Variants in HAPLN2 observed in about 807,000 individuals in gnomAD.
HAPLN2 encodes the protein brain link protein-1.
In HAPLN2, 27 loss-of-function variants were observed where a neutral mutation model predicts 29.3. That is an observed-to-expected ratio of 0.92 (90% confidence interval 0.68 to 1.27). The LOEUF is 1.27. HAPLN2 is among the 50% of genes most tolerant of loss of function. The pLI, the probability that HAPLN2 is intolerant of heterozygous loss-of-function variation, is 0.00. For synonymous variants in HAPLN2, 208 were observed against 211.7 expected (o/e 0.98, Z 0.15); for missense variants, 454 against 484.3 (o/e 0.94, Z 0.59).
the HAPLN2 span, among the ~76,000 whole-genome samples, chr1:156,602,784 A>G: frequency 6.6e-6 from 1 of 152,020 alleles, no homozygotes; most frequent in South Asian, 2.1e-4. Flanking sequence ...AAGATACAGC[A>G]AAAGGGACTG....
At chr1:156,621,861 A>G (rs184384745) in intron 2 of HAPLN2, among the ~76,000 whole-genome samples, 81 of 151,722 alleles carry the variant, frequency 5.3e-4, no homozygotes, top group African/African-American at 1.7e-3. Flanking sequence ...CCTGTATCTG[A>G]TTAAAAAATT....
rs949449674 is a variant in HAPLN2, at chr1:156,625,689, CCT to C, written c.*308_*309del. On this transcript the variant is annotated 3_prime_UTR_variant, in exon 7 of 7. Transcript: ENST00000255039. The surrounding 1 kb of genome is among the most constrained non-coding windows in gnomAD (Gnocchi z 5.7). ...TGAGGCGGCCGGGGGCATTAACTGA[CCT>C]CTGAGTACAGCAATAAAATAACCTG... 13 of 361,022 alleles carry C rather than the reference CCT, an allele frequency of 3.6e-5. No homozygotes were observed. The highest frequency in any genetic ancestry group is 2.8e-4 in the African/African-American group (13 of 46,720). 22.4% of individuals were successfully genotyped at this position (361,022 alleles called of 1,614,324 possible). A position where few individuals can be genotyped will look rare whatever the true frequency, so the allele number is the denominator to read the frequency against.
At position 156,625,295 on chromosome 1, in the gene HAPLN2, G is replaced by C. The variant is rs775376500; in HGVS notation, c.934G>C (p.Gly312Arg). The C allele has an allele frequency of 7.0e-6, 11 of 1,580,268 alleles. No individual in the cohort carries two copies. Among genetic ancestry groups the C allele is most frequent in the South Asian group, 1.2e-5 (1 of 86,340 alleles). The part of the protein sequence containing the change: ...FPITTPRPRC[G>R]GLPDPGVRSF... Reference sequence around the variant, plus strand: ...AATCACCACGCCGAGGCCGCGCTGCGGGGGGCTCCCGGATCCCGGAGTGCG... The same window carrying C: ...AATCACCACGCCGAGGCCGCGCTGCCGGGGGCTCCCGGATCCCGGAGTGCG... Residue 312 changes from glycine to arginine, a missense_variant, in exon 7 of 7, where the codon GGG (glycine) becomes CGG (arginine). This residue lies in a region of HAPLN2 where 235 missense variants were observed against 236.9 expected (regional missense o/e 0.99). Coordinates refer to ENST00000255039, the MANE Select transcript of HAPLN2 (RefSeq NM_021817.3). This position sits in a 1 kb window ranked among gnomAD's most constrained non-coding sequence, Gnocchi z 5.7.
Position 156,624,341 on chromosome 1 carries a change from C to T in HAPLN2, c.440-10C>T, listed in dbSNP as rs1157896058. 8.8e-6 allele frequency: 14 copies of T among 1,593,914 alleles called. No individual in the cohort carries two copies. The Admixed American group carries it at 1.9e-4, about 22-fold the overall frequency. ...CGCTGGCCCTCCCCAGGATCCCCGC[C>T]ACCCCCTAGGTGTGGTGTTTCCGTA... On this transcript the variant is annotated splice_polypyrimidine_tract_variant and intron_variant, in intron 4 of 6. Transcript: ENST00000255039.
the HAPLN2 span, among the ~76,000 whole-genome samples, chr1:156,611,406 A>C: frequency 2.0e-5 from 3 of 152,090 alleles, no homozygotes; most frequent in Non-Finnish European, 2.9e-5. Context: ...CTCTACTAAA[A>C]ATACAAAAAA....
intron 2 of HAPLN2, among the ~76,000 whole-genome samples, chr1:156,623,095 G>C (rs999905412): frequency 7.2e-6 from 1 of 138,980 alleles, no homozygotes; most frequent in Non-Finnish European, 1.6e-5. Context: ...AAAAGCAGGA[G>C]AGTGATAAGA....
chr1:156,625,013 G>T lies in HAPLN2; in HGVS notation c.740-88G>T. On this transcript the variant is annotated intron_variant, in intron 6 of 6. Transcript: ENST00000255039. The surrounding 1 kb of genome is among the most constrained non-coding windows in gnomAD (Gnocchi z 5.7). ...CCCAAGCTCGATCCAGCACCTCTGC[G>T]GTCCCGCACCCCAACTCCGCCTCCT... is the stretch of plus-strand genomic sequence containing the variant. The T allele has an allele frequency of 6.9e-7, 1 of 1,450,706 alleles. No individual in the cohort carries two copies. The highest frequency in any genetic ancestry group is 9.2e-7 in the Non-Finnish European group (1 of 1,089,370). 89.9% of individuals were successfully genotyped at this position (1,450,706 alleles called of 1,614,324 possible). A position where few individuals can be genotyped will look rare whatever the true frequency, so the allele number is the denominator to read the frequency against.
chr1:156,604,874 T>C, the HAPLN2 span, among the ~76,000 whole-genome samples: 1 of 151,224 alleles, frequency 6.6e-6, no homozygotes, highest in African/African-American at 2.4e-5. Context: ...ACTCTCCAAA[T>C]TGATCTATAA....
the HAPLN2 span, among the ~76,000 whole-genome samples, chr1:156,606,546 G>C: frequency 6.7e-6 from 1 of 150,340 alleles, no homozygotes; most frequent in Non-Finnish European, 1.5e-5. Flanking sequence ...GCAGTGGCGT[G>C]ATCATGGCTC....
rs1316524969 is a variant in HAPLN2 at position 156,624,633 on chromosome 1, G to A, written c.589G>A (p.Gly197Ser). ...WTEGLDWCNA[G>S]WLLEGSVRYP... ...CGAGGGTCTGGACTGGTGTAACGCG[G>A]GCTGGCTGCTCGAGGGCTCCGTGCG... Residue 197 changes from glycine to serine, a missense_variant, in exon 6 of 7, where the codon GGC becomes AGC. Physicochemically the swap from Gly to Ser is moderately conservative, Grantham distance 56 (BLOSUM62 0). This residue lies in a region of HAPLN2 where 235 missense variants were observed against 236.9 expected (regional missense o/e 0.99). Coordinates refer to ENST00000255039, the MANE Select transcript of HAPLN2 (RefSeq NM_021817.3). 1.2e-6 allele frequency: 2 copies of A among 1,612,652 alleles called. No homozygotes were observed. Among genetic ancestry groups the A allele is most frequent in the Non-Finnish European group, 1.7e-6 (2 of 1,179,642 alleles).
rs983213132 is a variant in HAPLN2 at position 156,624,903 on chromosome 1, C to G, written c.739+120C>G. 9.2e-6 allele frequency: 11 copies of G among 1,194,362 alleles called. No individual in the cohort carries two copies. The African/African-American group carries it at 9.3e-5, about 10-fold the overall frequency. 74.0% of individuals were successfully genotyped at this position (1,194,362 alleles called of 1,614,324 possible). ...CGGGTCCCTCCAAGGCACCGCCCCCCCATCAGCCCGCCCGCCCGCCCAGGC... is the reference window on the plus strand; with the variant it reads ...CGGGTCCCTCCAAGGCACCGCCCCCGCATCAGCCCGCCCGCCCGCCCAGGC... On this transcript the variant is annotated intron_variant, in intron 6 of 6. Coordinates refer to ENST00000255039, the MANE Select transcript of HAPLN2 (RefSeq NM_021817.3).
upstream of HAPLN2, among the ~76,000 whole-genome samples, chr1:156,618,895 G>A (rs181613492): frequency 6.6e-6 from 1 of 151,936 alleles, no homozygotes; most frequent in Non-Finnish European, 1.5e-5. Context: ...TGAGGGAAGA[G>A]GTAGAATATT....
At chr1:156,624,907 C>CGGGGG in intron 6 of HAPLN2, 124 bp downstream of exon 6, 1 of 1,144,284 alleles carries the variant, frequency 8.7e-7, no homozygotes. Context: ...GCCCCCCCAT[C>CGGGGG]AGCCCGCCCG....
intron 6 of HAPLN2, 52 bp downstream of exon 6, chr1:156,624,835 G>C: frequency 1.4e-6 from 2 of 1,442,142 alleles, no homozygotes; most frequent in Non-Finnish European, 1.8e-6. Flanking sequence ...AAAAATGTGG[G>C]GGACGAGGAG....
At chr1:156,604,208 TCA>T in the HAPLN2 span, among the ~76,000 whole-genome samples, 3 of 151,834 alleles carry the variant, frequency 2.0e-5, no homozygotes, top group Admixed American at 2.0e-4. Context: ...TCAAAATATC[TCA>T]CAACAGGAGA....
rs1412581191 is a variant in HAPLN2, at chr1:156,623,921, A to G, written c.200A>G (p.Lys67Arg). The G allele has an allele frequency of 6.2e-7, 1 of 1,605,782 alleles. No individual in the cohort carries two copies. Reference protein sequence around the residue: ...CVLGTTPPSYKVRWSKVEPGE... With the variant: ...CVLGTTPPSYRVRWSKVEPGE... ...CTGGGCACCACGCCTCCCAGCTACA[A>G]GGTGCGCTGGAGCAAGGTGGAGCCT... Residue 67 changes from lysine (K) to arginine (R), a missense_variant, in exon 4 of 7, where the codon AAG (lysine) becomes AGG (arginine). Lys to Arg is a conservative substitution (Grantham distance 26). Coordinates refer to ENST00000255039, the MANE Select transcript of HAPLN2 (RefSeq NM_021817.3).
the HAPLN2 span, among the ~76,000 whole-genome samples, chr1:156,612,570 G>A: frequency 3.3e-5 from 5 of 152,156 alleles, no homozygotes; most frequent in African/African-American, 1.2e-4. Flanking sequence ...TCTTGCTTCT[G>A]TTAAGGAAAG....
chr1:156,604,852 T>C, the HAPLN2 span, among the ~76,000 whole-genome samples: 1 of 150,874 alleles, frequency 6.6e-6, no homozygotes, highest in African/African-American at 2.4e-5. Context: ...ACAATATTGT[T>C]AAGATGACAA....
In HAPLN2 at chr1:156,622,469, C is replaced by T. The variant is rs189510272; in HGVS notation, c.-24-998C>T. On this transcript the variant is annotated intron_variant, in intron 2 of 6. Coordinates refer to ENST00000255039, the MANE Select transcript of HAPLN2 (RefSeq NM_021817.3). ...ACCCTGTCTCAAAAAAAAAAAGGTC[C>T]GCAGTCCAGCAGATCACAGTGCACT... Among the ~76,000 whole-genome samples the T allele has an allele frequency of 6.3e-4, 96 of 151,850 alleles. 1 individual carries two copies. In the East Asian group the frequency reaches 0.017, roughly 26 times the overall value.
Sources: gnomAD v4.1 joint callset for allele counts (sites outside exome capture counted in the v4.1 genomes callset) on GRCh38, gnomAD v4.1.1 for gene constraint, gnomAD v4.1.1 regional missense constraint, Gnocchi (gnomAD v3.1) non-coding constraint, MANE v1.5 for transcripts, NCBI Gene and HGNC (gene_info 2026-07-23, HGNC 2026-07-21) for gene names.